HOXD11: variants seen among roughly 807,000 people sequenced by gnomAD.
HOXD11 encodes homeobox D11.
HOXD11 carries 16 observed loss-of-function variants against 23.1 expected under a neutral mutation model. The observed-to-expected ratio is 0.69, with a 90% CI of 0.47 to 1.05. The LOEUF is 1.05. Among genes scored for constraint, HOXD11 ranks in the 50% least tolerant of loss-of-function variants. The pLI, the probability that HOXD11 is intolerant of heterozygous loss-of-function variation, is 0.00. For missense variants in HOXD11, 564 were observed against 495.6 expected (o/e 1.14, Z -1.31); for synonymous variants, 262 against 224.4 (o/e 1.17, Z -1.50).
At chr2:176,110,804 G>C (rs190275086), downstream of HOXD11, among the ~76,000 whole-genome samples, 1 of 152,150 alleles carries the variant, frequency 6.6e-6, no homozygotes, top group Non-Finnish European at 1.5e-5. Flanking sequence ...CCTAATTTCA[G>C]GATCAATAAC....
At chr2:176,115,677 T>G in the HOXD11 span, among the ~76,000 whole-genome samples, 4 of 152,236 alleles carry the variant, frequency 2.6e-5, no homozygotes, top group African/African-American at 9.6e-5. Context: ...CTTTTGTACC[T>G]TGCACTTGTC....
Position 176,107,562 on chromosome 2 carries a change from G to T in HOXD11, c.207G>T (p.Glu69Asp), listed in dbSNP as rs1689597539. The T allele has an allele frequency of 6.3e-7, 1 of 1,590,230 alleles. No individual in the cohort carries two copies. The change falls in exon 1 of 2, where the codon GAG (glutamate) becomes GAT (aspartate). Residue 69 changes from glutamate to aspartate, a missense_variant. Glu to Asp is a conservative substitution (Grantham distance 45). Coordinates refer to ENST00000249504, the MANE Select transcript of HOXD11 (RefSeq NM_021192.3). ...REVAFRDYGL[E>D]RAKWPYRGGG... is the part of the protein sequence containing the mutation. ...TGGCCTTCCGCGACTACGGCCTGGAGCGCGCCAAGTGGCCGTACCGCGGCG... is the reference window on the plus strand; with the variant it reads ...TGGCCTTCCGCGACTACGGCCTGGATCGCGCCAAGTGGCCGTACCGCGGCG...
At chr2:176,108,664 T>TGTGTGTGTGG (rs1213457320) in intron 1 of HOXD11, 4 of 481,032 alleles carry the variant, frequency 8.3e-6, no homozygotes, top group African/African-American at 2.7e-5. Flanking sequence ...AGGCTCTGTG[T>TGTGTGTGTGG]GTGTGTGTGT....
At chr2:176,108,496 T>TG (rs1180338550) in intron 1 of HOXD11, among the ~76,000 whole-genome samples, 1 of 145,410 alleles carries the variant, frequency 6.9e-6, no homozygotes, top group Admixed American at 6.8e-5. Flanking sequence ...GGTGGGGAAG[T>TG]GGGGGGAGTT....
chr2:176,108,932 G>A lies in HOXD11; in HGVS notation c.807G>A (p.Lys269=), dbSNP rs1206341348. 20 of 1,613,950 alleles carry A rather than the reference G, an allele frequency of 1.2e-5. No homozygotes were observed. The highest frequency in any genetic ancestry group is 1.5e-5 in the Non-Finnish European group (18 of 1,179,958). The change falls in exon 2 of 2, where the codon AAG becomes AAA. Residue 269 remains lysine (K), a synonymous_variant. Transcript: ENST00000249504. ...TTGCCCCCCAGCGGTCCCGGAAAAAGCGCTGTCCCTATACCAAGTACCAGA... is the reference window on the plus strand; with the variant it reads ...TTGCCCCCCAGCGGTCCCGGAAAAAACGCTGTCCCTATACCAAGTACCAGA... ...SAVAPQRSRK[K]RCPYTKYQIR... is the part of the protein sequence containing the mutation.
At position 176,108,992 on chromosome 2, in the gene HOXD11, G is replaced by GTACA; in HGVS notation, c.870_873dup (p.Asn292HisfsTer17). 2 of 1,614,022 alleles carry GTACA rather than the reference G, an allele frequency of 1.2e-6. No homozygotes were observed. The highest frequency in any genetic ancestry group is 1.7e-6 in the Non-Finnish European group (2 of 1,179,898). ...TGGAACGCGAGTTTTTCTTTAACGT[G>GTACA]TACATAAACAAAGAGAAAAGACTTC... On this transcript the variant is annotated frameshift_variant, in exon 2 of 2. Coordinates refer to ENST00000249504, the MANE Select transcript of HOXD11 (RefSeq NM_021192.3). LOFTEE classifies it high-confidence loss of function.
chr2:176,114,952 G>A, the HOXD11 span, among the ~76,000 whole-genome samples: 2 of 152,250 alleles, frequency 1.3e-5, no homozygotes, highest in African/African-American at 4.8e-5. Context: ...GAACCTGGCA[G>A]GCCGAAGGAC....
At chr2:176,111,700 G>A (rs1029470855), downstream of HOXD11, among the ~76,000 whole-genome samples, 19 of 151,450 alleles carry the variant, frequency 1.3e-4, 1 homozygote, top group Admixed American at 1.1e-3. Flanking sequence ...ATAAATGTAT[G>A]CATTTTGAAA....
downstream of HOXD11, among the ~76,000 whole-genome samples, chr2:176,113,083 T>C (rs1165144541): frequency 6.6e-6 from 1 of 152,164 alleles, no homozygotes; most frequent in Admixed American, 6.5e-5. Flanking sequence ...CCTTATTGCA[T>C]TGGTGGTAGA....
At chr2:176,114,273 G>A (rs1689717645), downstream of HOXD11, among the ~76,000 whole-genome samples, 1 of 152,222 alleles carries the variant, frequency 6.6e-6, no homozygotes, top group Admixed American at 6.5e-5. Context: ...GCTGGTCAGT[G>A]GCTGTTAGCT....
downstream of HOXD11, among the ~76,000 whole-genome samples, chr2:176,111,857 C>T (rs1371384337): frequency 1.2e-5 from 1 of 83,530 alleles, no homozygotes; most frequent in Non-Finnish European, 2.4e-5. Flanking sequence ...AAACCTTCAT[C>T]GGTTTTACCC....
At chr2:176,108,773 G>T (rs1689627357) in intron 1 of HOXD11, 134 bp from the exon 2 acceptor site, 1 of 630,090 alleles carries the variant, frequency 1.6e-6, no homozygotes, top group Non-Finnish European at 2.8e-6. Flanking sequence ...GACGCAGGCA[G>T]GGCCTTTCGG....
At chr2:176,110,035 T>C (rs1051071480), downstream of HOXD11, among the ~76,000 whole-genome samples, 5 of 152,132 alleles carry the variant, frequency 3.3e-5, no homozygotes, top group African/African-American at 1.2e-4. Context: ...TCACAGTCCC[T>C]TAAAAAAGAA....
At chr2:176,114,224 A>T (rs769224004), downstream of HOXD11, among the ~76,000 whole-genome samples, 4 of 152,248 alleles carry the variant, frequency 2.6e-5, no homozygotes, top group African/African-American at 7.2e-5. Flanking sequence ...CCTGGCTTGA[A>T]ACAAGATCTC....
At chr2:176,112,180 G>T (rs1040711394), downstream of HOXD11, among the ~76,000 whole-genome samples, 1 of 152,206 alleles carries the variant, frequency 6.6e-6, no homozygotes, top group Non-Finnish European at 1.5e-5. Flanking sequence ...CGGGCTTTGC[G>T]TTTGACAGAA....
In HOXD11 at chr2:176,109,155, G is replaced by T; in HGVS notation, c.*13G>T. 3 of 1,548,648 alleles carry T rather than the reference G, an allele frequency of 1.9e-6. No individual in the cohort carries two copies. The highest frequency in any genetic ancestry group is 2.7e-6 in the Non-Finnish European group (3 of 1,120,584). Reference sequence around the variant, plus strand: ...CCCCTTATTTTGAGAGCTCCAGGAAGCGCCCTCACCCCAGCCCCACTCACC... The same window carrying T: ...CCCCTTATTTTGAGAGCTCCAGGAATCGCCCTCACCCCAGCCCCACTCACC... On this transcript the variant is annotated 3_prime_UTR_variant, in exon 2 of 2. Coordinates refer to ENST00000249504, the MANE Select transcript of HOXD11 (RefSeq NM_021192.3).
In HOXD11 at chr2:176,107,705, C is replaced by T; in HGVS notation, c.350C>T (p.Ala117Val). The T allele has an allele frequency of 1.9e-6, 2 of 1,046,614 alleles. No homozygotes were observed. The highest frequency in any genetic ancestry group is 2.3e-6 in the Non-Finnish European group (2 of 873,130). 64.8% of individuals were successfully genotyped at this position (1,046,614 alleles called of 1,614,324 possible). A position where few individuals can be genotyped will look rare whatever the true frequency, so the allele number is the denominator to read the frequency against. ...YAAAAAAAAAAAAAEEAAMQR... is the reference protein window; with the variant it reads ...YAAAAAAAAAVAAAEEAAMQR... Reference sequence around the variant, plus strand: ...GCGGCGGCGGCGGCGGCTGCGGCGGCCGCGGCGGCCGAGGAGGCGGCCATG... The same window carrying T: ...GCGGCGGCGGCGGCGGCTGCGGCGGTCGCGGCGGCCGAGGAGGCGGCCATG... The change falls in exon 1 of 2, where the codon GCC becomes GTC. Residue 117 changes from alanine to valine, a missense_variant. By Grantham distance (64) the Ala-to-Val change is moderately conservative (BLOSUM62 0). Coordinates refer to ENST00000249504, the MANE Select transcript of HOXD11 (RefSeq NM_021192.3).
rs1203054722 is a variant in HOXD11 at position 176,107,805 on chromosome 2, G to T, written c.450G>T (p.Ala150=). 2 of 1,393,008 alleles carry T rather than the reference G, an allele frequency of 1.4e-6. No homozygotes were observed. Among genetic ancestry groups the T allele is most frequent in the Non-Finnish European group, 9.3e-7 (1 of 1,073,178 alleles). 86.3% of individuals were successfully genotyped at this position (1,393,008 alleles called of 1,614,324 possible). A position where few individuals can be genotyped will look rare whatever the true frequency, so the allele number is the denominator to read the frequency against. Residue 150 remains alanine, a synonymous_variant, in exon 1 of 2, where the codon GCG becomes GCT. Transcript: ENST00000249504. The part of the protein sequence containing the change: ...LFKAPEPVCA[A]PGPPHGPAGA... ...AGGCGCCTGAGCCGGTGTGCGCTGC[G>T]CCGGGGCCGCCGCACGGCCCCGCGG...
At chr2:176,110,246 C>G (rs745415538), downstream of HOXD11, among the ~76,000 whole-genome samples, 5 of 152,192 alleles carry the variant, frequency 3.3e-5, no homozygotes, top group Non-Finnish European at 7.3e-5. Flanking sequence ...GGTGAGGGCT[C>G]TACTGCACTT....
Sources: allele counts gnomAD v4.1 joint callset (sites outside exome capture counted in the v4.1 genomes callset), GRCh38; gene constraint gnomAD v4.1.1; transcripts MANE v1.5; gene names NCBI Gene and HGNC (gene_info 2026-07-23, HGNC 2026-07-21).